ENTREP2: variants seen among roughly 807,000 people sequenced by gnomAD.
ENTREP2 encodes the protein protein ENTREP2.
the ENTREP2 span, among the ~76,000 whole-genome samples, chr15:29,544,960 A>G: frequency 8.5e-5 from 13 of 152,304 alleles, no homozygotes; most frequent in South Asian, 1.5e-3. Flanking sequence ...ATGTAGTTGA[A>G]TTTGAATTGT....
chr15:29,464,478 G>A, the ENTREP2 span, among the ~76,000 whole-genome samples: 2,105 of 152,238 alleles, frequency 0.014, 57 homozygotes, highest in African/African-American at 0.049. Flanking sequence ...ATCAAATCAT[G>A]GAAGCTACAC....
the ENTREP2 span, among the ~76,000 whole-genome samples, chr15:29,164,694 C>T: frequency 1.3e-5 from 2 of 152,046 alleles, no homozygotes; most frequent in African/African-American, 4.8e-5. Flanking sequence ...TACTAATAGA[C>T]CTAAGAAATG....
At chr15:29,389,613 G>A in the ENTREP2 span, among the ~76,000 whole-genome samples, 10,835 of 152,216 alleles carry the variant, frequency 0.071, 994 homozygotes, top group African/African-American at 0.21. Context: ...TGTGATGCTC[G>A]AGGGCCTCAG....
chr15:29,618,356 G>A, the ENTREP2 span, among the ~76,000 whole-genome samples: 58 of 151,656 alleles, frequency 3.8e-4, 1 homozygote, highest in African/African-American at 1.4e-3. Flanking sequence ...CCGGGAGGCG[G>A]AGGTTGCAGT....
chr15:29,347,863 G>A, the ENTREP2 span, among the ~76,000 whole-genome samples: 1 of 152,190 alleles, frequency 6.6e-6, no homozygotes, highest in African/African-American at 2.4e-5. Flanking sequence ...TATCTGCGAG[G>A]CAGAGGTCAA....
At chr15:29,158,640 A>C in the ENTREP2 span, among the ~76,000 whole-genome samples, 1 of 152,172 alleles carries the variant, frequency 6.6e-6, no homozygotes, top group Non-Finnish European at 1.5e-5. Context: ...CTGCTTTTTG[A>C]AAGTTTTATC....
At chr15:29,230,705 AAGG>A in the ENTREP2 span, among the ~76,000 whole-genome samples, 1 of 152,160 alleles carries the variant, frequency 6.6e-6, no homozygotes, top group Non-Finnish European at 1.5e-5. Flanking sequence ...CTGAAAGGGA[AAGG>A]AGATTAGAGT....
the ENTREP2 span, among the ~76,000 whole-genome samples, chr15:29,288,073 A>C: frequency 1.2e-4 from 18 of 152,352 alleles, no homozygotes; most frequent in South Asian, 2.5e-3. Context: ...TTTTTTAAAC[A>C]AAAATTTACT....
chr15:29,451,206 T>C, the ENTREP2 span, among the ~76,000 whole-genome samples: 1 of 152,192 alleles, frequency 6.6e-6, no homozygotes, highest in Admixed American at 6.5e-5. Context: ...CCAATCCCTA[T>C]GGGGTCTAGA....
chr15:29,570,843 G>A, the ENTREP2 span: 1 of 260,192 alleles, frequency 3.8e-6, no homozygotes, highest in Non-Finnish European at 5.8e-6. Context: ...CCAGCCGGCT[G>A]CCAGGGCTGC....
At chr15:29,490,490 G>A in the ENTREP2 span, among the ~76,000 whole-genome samples, 2 of 152,194 alleles carry the variant, frequency 1.3e-5, no homozygotes, top group East Asian at 3.9e-4. Flanking sequence ...CCATTTTACA[G>A]AGAGCTGACT....
the ENTREP2 span, among the ~76,000 whole-genome samples, chr15:29,198,664 C>T: frequency 2.0e-5 from 3 of 152,246 alleles, no homozygotes; most frequent in Admixed American, 6.5e-5. Context: ...ATTAAGCAAG[C>T]ACCCACCGGC....
the ENTREP2 span, among the ~76,000 whole-genome samples, chr15:29,657,685 T>C: frequency 6.6e-6 from 1 of 152,074 alleles, no homozygotes; most frequent in South Asian, 2.1e-4. Flanking sequence ...GATTGGTGCA[T>C]TTTACAATCC....
the ENTREP2 span, among the ~76,000 whole-genome samples, chr15:29,572,331 A>T: frequency 7.9e-5 from 12 of 152,134 alleles, no homozygotes; most frequent in African/African-American, 2.9e-4. Flanking sequence ...TGTTTAAAGC[A>T]CTCCAGTACA....
At chr15:29,221,204 CTTTT>C in the ENTREP2 span, among the ~76,000 whole-genome samples, 1 of 143,576 alleles carries the variant, frequency 7.0e-6, no homozygotes, top group Non-Finnish European at 1.5e-5. Flanking sequence ...GCAAATGACA[CTTTT>C]TTTTTTTTTT....
At chr15:29,388,021 A>G in the ENTREP2 span, among the ~76,000 whole-genome samples, 1 of 152,200 alleles carries the variant, frequency 6.6e-6, no homozygotes, top group Admixed American at 6.5e-5. Flanking sequence ...AAACCCTAGA[A>G]GAAAACCTAG....
chr15:29,195,124 T>C, the ENTREP2 span: 1 of 985,344 alleles, frequency 1.0e-6, no homozygotes, highest in Non-Finnish European at 1.2e-6. Context: ...GGTCCCATGA[T>C]GGGATGGGCC....
At chr15:29,426,943 A>G in the ENTREP2 span, among the ~76,000 whole-genome samples, 2 of 152,200 alleles carry the variant, frequency 1.3e-5, no homozygotes, top group Non-Finnish European at 2.9e-5. Context: ...AGAATTAAAC[A>G]TGATGGCTTT....
the ENTREP2 span, among the ~76,000 whole-genome samples, chr15:29,310,542 CA>C: frequency 6.6e-6 from 1 of 152,196 alleles, no homozygotes; most frequent in Non-Finnish European, 1.5e-5. Flanking sequence ...AGGCCAAAGG[CA>C]ACATCCATGT....
Sources: allele counts gnomAD v4.1 joint callset (sites outside exome capture counted in the v4.1 genomes callset), GRCh38; gene constraint gnomAD v4.1.1; transcripts MANE v1.5; gene names NCBI Gene and HGNC (gene_info 2026-07-23, HGNC 2026-07-21).